ARHGEF4: variants seen among roughly 807,000 people sequenced by gnomAD.
The protein encoded by ARHGEF4 is Rho guanine nucleotide exchange factor 4, also known as APC-stimulated guanine nucleotide exchange factor 1.
ARHGEF4 carries 119 observed loss-of-function variants against 162.0 expected under a neutral mutation model. That is an observed-to-expected ratio of 0.73 (90% CI 0.63 to 0.86). ARHGEF4 has a LOEUF of 0.86. Among genes scored for constraint, ARHGEF4 ranks in the 40% least tolerant of loss-of-function variants. The probability of loss-of-function intolerance (pLI) is 0.00; values close to 1 mark genes in which losing one functional copy is unlikely to be tolerated. For missense variants in ARHGEF4, 2,488 were observed against 2,456.0 expected, an observed-to-expected ratio of 1.01 and a Z score of -0.28; for synonymous variants, 1,014 against 979.9, an observed-to-expected ratio of 1.03 and a Z score of -0.65.
chr2:130,984,359 TCCAAACGATATTGTGG>T (rs1323695834), intron 4 of ARHGEF4, among the ~76,000 whole-genome samples: 2 of 152,068 alleles, frequency 1.3e-5, no homozygotes, highest in African/African-American at 4.8e-5. Context: ...AACTCCACAT[TCCAAACGATATTGTGG>T]CCAAACGGTA....
chr2:130,975,293 G>A (rs1384595060), intron 4 of ARHGEF4, among the ~76,000 whole-genome samples: 1 of 152,192 alleles, frequency 6.6e-6, no homozygotes, highest in Non-Finnish European at 1.5e-5. Context: ...GGGCCTTCCA[G>A]ACCCTGGAGA....
intron 4 of ARHGEF4, chr2:130,964,080 G>C: frequency 2.6e-6 from 2 of 776,590 alleles, no homozygotes; most frequent in Non-Finnish European, 3.1e-6. Context: ...AGTCAAGCGG[G>C]CAGACGAGTG....
Position 131,046,482 on chromosome 2 carries a change from G to A in ARHGEF4, c.*293G>A, listed in dbSNP as rs1691276192. The A allele has an allele frequency of 5.6e-6, 2 of 354,194 alleles. No individual in the cohort carries two copies. The highest frequency in any genetic ancestry group is 1.0e-5 in the Non-Finnish European group (2 of 194,964). The allele number at this position is 354,194 out of a possible 1,614,324, so 21.9% of individuals were successfully genotyped here. A position where few individuals can be genotyped will look rare whatever the true frequency, so the allele number is the denominator to read the frequency against. On this transcript the variant is annotated 3_prime_UTR_variant, in exon 14 of 14. Coordinates refer to ENST00000409359, the MANE Select transcript of ARHGEF4 (RefSeq NM_001367493.1). Reference sequence around the variant, plus strand: ...GTGTAGGGCCTCACTGCTGGAGCGGGGAAACCGCAGCTCAGCCCAGGCCCA... The same window carrying A: ...GTGTAGGGCCTCACTGCTGGAGCGGAGAAACCGCAGCTCAGCCCAGGCCCA...
intron 5 of ARHGEF4, among the ~76,000 whole-genome samples, chr2:131,029,509 T>C (rs913398657): frequency 1.3e-5 from 2 of 151,974 alleles, no homozygotes; most frequent in African/African-American, 2.4e-5. Context: ...TCTGAAATGA[T>C]GCCACCTGAA....
chr2:130,961,062 A>AG (rs1360210440), intron 4 of ARHGEF4, among the ~76,000 whole-genome samples: 1 of 152,124 alleles, frequency 6.6e-6, no homozygotes, highest in African/African-American at 2.4e-5. Flanking sequence ...CCCTCCACTT[A>AG]GCAACACACC....
intron 1 of ARHGEF4, among the ~76,000 whole-genome samples, chr2:130,877,542 TG>T (rs1302765076): frequency 6.6e-6 from 1 of 152,086 alleles, no homozygotes; most frequent in Non-Finnish European, 1.5e-5. Context: ...TCCAGCTGCT[TG>T]GGGGGCTGAG....
At chr2:130,899,287 C>T (rs1035184522) in intron 1 of ARHGEF4, among the ~76,000 whole-genome samples, 3 of 152,184 alleles carry the variant, frequency 2.0e-5, no homozygotes. Context: ...CCTCAGTGCC[C>T]GTGCCTTCAA....
In ARHGEF4 at chr2:130,931,264, C is replaced by T; in HGVS notation, c.3858+7C>T. 1 of 1,592,574 alleles carries T rather than the reference C, an allele frequency of 6.3e-7. No individual in the cohort carries two copies. The highest frequency in any genetic ancestry group is 1.1e-5 in the South Asian group (1 of 88,274). On this transcript the variant is annotated splice_region_variant and intron_variant, in intron 3 of 13. Coordinates refer to ENST00000409359, the MANE Select transcript of ARHGEF4 (RefSeq NM_001367493.1). ...GCACAAAGATGGAGTCAAGGTAAGC[C>T]ACTCCCGGCCAGGAGTCCTCAGACT...
chr2:130,898,444 T>G (rs917526052), intron 1 of ARHGEF4, among the ~76,000 whole-genome samples: 1 of 152,172 alleles, frequency 6.6e-6, no homozygotes, highest in African/African-American at 2.4e-5. Context: ...ATGTCCCTAG[T>G]GCCAAGCACA....
At chr2:130,881,321 C>T (rs929261493) in intron 1 of ARHGEF4, among the ~76,000 whole-genome samples, 1 of 152,168 alleles carries the variant, frequency 6.6e-6, no homozygotes, top group Non-Finnish European at 1.5e-5. Flanking sequence ...GCAAATGAGA[C>T]ATTATTTGTA....
At chr2:130,997,321 T>C (rs886779997) in intron 4 of ARHGEF4, among the ~76,000 whole-genome samples, 1 of 152,244 alleles carries the variant, frequency 6.6e-6, no homozygotes, top group Non-Finnish European at 1.5e-5. Flanking sequence ...CTTTAAAGCA[T>C]CTATCTGAAC....
At chr2:130,868,189 T>G (rs1364719134) in intron 1 of ARHGEF4, among the ~76,000 whole-genome samples, 1 of 151,792 alleles carries the variant, frequency 6.6e-6, no homozygotes, top group Non-Finnish European at 1.5e-5. Flanking sequence ...CCTCCCAGAG[T>G]GCTGGGATTA....
intron 4 of ARHGEF4, among the ~76,000 whole-genome samples, chr2:130,951,866 T>G (rs939582249): frequency 3.3e-5 from 5 of 152,168 alleles, no homozygotes; most frequent in Non-Finnish European, 7.4e-5. Flanking sequence ...CATATTATAC[T>G]TATCAATGTT....
chr2:130,995,769 A>G (rs2105296586), intron 4 of ARHGEF4, among the ~76,000 whole-genome samples: 1 of 152,238 alleles, frequency 6.6e-6, no homozygotes, highest in East Asian at 1.9e-4. Context: ...CCATGCTTCT[A>G]GCTTACAGCC....
chr2:130,931,623 A>G (rs1048413358), intron 3 of ARHGEF4, among the ~76,000 whole-genome samples: 2 of 152,242 alleles, frequency 1.3e-5, no homozygotes, highest in African/African-American at 4.8e-5. Context: ...TGGCTCTGCC[A>G]CTCACAGAGG....
intron 5 of ARHGEF4, 68 bp downstream of exon 5, chr2:131,028,152 A>G: frequency 6.3e-7 from 1 of 1,577,286 alleles, no homozygotes; most frequent in Non-Finnish European, 8.6e-7. Flanking sequence ...CCAGCACGCT[A>G]ATGCAGGCCA....
At chr2:130,874,067 C>T (rs1678667316) in intron 1 of ARHGEF4, among the ~76,000 whole-genome samples, 1 of 151,324 alleles carries the variant, frequency 6.6e-6, no homozygotes, top group African/African-American at 2.5e-5. Context: ...GTTTTTCTTT[C>T]ACTAATTAAA....
At chr2:131,009,555 C>G (rs1021996677) in intron 4 of ARHGEF4, among the ~76,000 whole-genome samples, 6 of 152,062 alleles carry the variant, frequency 3.9e-5, no homozygotes, top group Non-Finnish European at 7.4e-5. Flanking sequence ...ATTTTTTTCT[C>G]TTTTTCAAAT....
rs558413732 is a variant in ARHGEF4, at chr2:130,876,814, T to C, written c.40-37172T>C. On this transcript the variant is annotated intron_variant, in intron 1 of 13. Transcript: ENST00000409359. ...AGGGGAAGGTGGGATGTGGACCCAGTTCTGGATGATCCCAAAGCCTGTGTG... is the reference window on the plus strand; with the variant it reads ...AGGGGAAGGTGGGATGTGGACCCAGCTCTGGATGATCCCAAAGCCTGTGTG... 7.2e-5 allele frequency among the ~76,000 whole-genome samples: 11 copies of C among 152,304 alleles called. No individual in the cohort carries two copies. The South Asian group carries it at 2.3e-3, about 32-fold the overall frequency.
Sources: gnomAD v4.1 joint callset for allele counts (sites outside exome capture counted in the v4.1 genomes callset) on GRCh38, gnomAD v4.1.1 for gene constraint, MANE v1.5 for transcripts, NCBI Gene and HGNC (gene_info 2026-07-23, HGNC 2026-07-21) for gene names.